CYP19A1: variants seen among roughly 807,000 people sequenced by gnomAD.
The protein encoded by CYP19A1 is aromatase.
CYP19A1 carries 32 observed loss-of-function variants against 44.4 expected under a neutral mutation model. The ratio of observed to expected loss-of-function variants is 0.72; its 90% CI spans 0.54 to 0.97. The LOEUF (loss-of-function observed/expected upper bound fraction) is 0.97. Among genes scored for constraint, CYP19A1 ranks in the 50% least tolerant of loss-of-function variants. CYP19A1 has a pLI of 0.00. For missense variants in CYP19A1, 598 were observed against 637.8 expected (o/e 0.94, Z 0.67); for synonymous variants, 212 against 215.6 (o/e 0.98, Z 0.14).
intron 1 of CYP19A1, among the ~76,000 whole-genome samples, chr15:51,286,005 A>G (rs1045705800): frequency 1.3e-5 from 2 of 152,160 alleles, no homozygotes; most frequent in African/African-American, 4.8e-5. Flanking sequence ...CAGCTTTGTC[A>G]GGCATCTGCG....
At chr15:51,329,237 C>T (rs530548581) in intron 1 of CYP19A1, among the ~76,000 whole-genome samples, 1 of 152,284 alleles carries the variant, frequency 6.6e-6, no homozygotes, top group East Asian at 1.9e-4. Context: ...TTGGCCACAA[C>T]AGCCCTTGGT....
chr15:51,251,018 G>C (rs949355026), intron 1 of CYP19A1, among the ~76,000 whole-genome samples: 1 of 152,192 alleles, frequency 6.6e-6, no homozygotes, highest in African/African-American at 2.4e-5. Context: ...ACAAGAACAG[G>C]CTTTGGGGCC....
At chr15:51,286,247 C>G (rs1046216931) in intron 1 of CYP19A1, among the ~76,000 whole-genome samples, 2 of 152,184 alleles carry the variant, frequency 1.3e-5, no homozygotes, top group African/African-American at 4.8e-5. Context: ...CTTCCTTCCT[C>G]ACCCAAATCC....
chr15:51,233,377 T>C (rs1247387432), intron 3 of CYP19A1, among the ~76,000 whole-genome samples: 2 of 152,206 alleles, frequency 1.3e-5, no homozygotes, highest in African/African-American at 2.4e-5. Flanking sequence ...ACTTGTTTAT[T>C]GTTGACCTAG....
intron 3 of CYP19A1, among the ~76,000 whole-genome samples, chr15:51,231,360 CAG>C (rs1566882493): frequency 6.6e-6 from 1 of 152,054 alleles, no homozygotes; most frequent in African/African-American, 2.4e-5. Flanking sequence ...GTCAATGTCA[CAG>C]GGGGAAAAGT....
chr15:51,232,206 G>T (rs556192920), intron 3 of CYP19A1, among the ~76,000 whole-genome samples: 1 of 152,028 alleles, frequency 6.6e-6, no homozygotes, highest in African/African-American at 2.4e-5. Context: ...CTCTTCTCTG[G>T]TCAGACTTTT....
At position 51,210,219 on chromosome 15, in the gene CYP19A1, A is replaced by G. The variant is rs533480950; in HGVS notation, c.*589T>C. The G allele has an allele frequency of 5.1e-6, 2 of 394,598 alleles. No individual in the cohort carries two copies. The highest frequency in any genetic ancestry group is 3.8e-5 in the South Asian group (2 of 52,302). 24.4% of individuals were successfully genotyped at this position (394,598 alleles called of 1,614,324 possible). A position where few individuals can be genotyped will look rare whatever the true frequency, so the allele number is the denominator to read the frequency against. On this transcript the variant is annotated 3_prime_UTR_variant, in exon 10 of 10. Transcript: ENST00000396402. ...CTGATTAAACTTTTGCCACAGACAG[A>G]TCATATGTAGACAAACAGGAATTAA...
intron 9 of CYP19A1, 147 bp downstream of exon 9, chr15:51,212,173 T>A (rs1472890665): frequency 1.3e-6 from 1 of 742,390 alleles, no homozygotes; most frequent in Admixed American, 1.8e-5. Flanking sequence ...TGCTCCAAGC[T>A]AGGGGACGTG....
intron 1 of CYP19A1, among the ~76,000 whole-genome samples, chr15:51,300,037 A>G (rs2036080250): frequency 6.6e-6 from 1 of 152,246 alleles, no homozygotes; most frequent in East Asian, 1.9e-4. Flanking sequence ...CAACAGGAAG[A>G]GTGAAACGGC....
At chr15:51,257,836 GCAGATCA>G (rs1176250338) in intron 1 of CYP19A1, among the ~76,000 whole-genome samples, 1 of 152,114 alleles carries the variant, frequency 6.6e-6, no homozygotes, top group Non-Finnish European at 1.5e-5. Flanking sequence ...AGTGCTACTT[GCAGATCA>G]CAATGGGCAT....
Position 51,212,579 on chromosome 15 carries a change from AGG to A in CYP19A1, c.1022-20_1022-19del. On this transcript the variant is annotated intron_variant, in intron 8 of 9. Coordinates refer to ENST00000396402, the MANE Select transcript of CYP19A1 (RefSeq NM_000103.4). ...TCTCTCACCTGTGGAAACAGATAAA[AGG>A]AACAAAGAAGGTAATGTTAGTTTCC... 1 of 1,414,882 alleles carries A rather than the reference AGG, an allele frequency of 7.1e-7. No individual in the cohort carries two copies. Among genetic ancestry groups the A allele is most frequent in the Non-Finnish European group, 1.0e-6 (1 of 998,162 alleles). 87.6% of individuals were successfully genotyped at this position (1,414,882 alleles called of 1,614,324 possible).
At chr15:51,236,744 G>A in intron 3 of CYP19A1, 115 bp downstream of exon 3, 1 of 1,298,818 alleles carries the variant, frequency 7.7e-7, no homozygotes, top group Non-Finnish European at 1.1e-6. Flanking sequence ...TCATTTCAGT[G>A]GTAAAAATAT....
intron 1 of CYP19A1, among the ~76,000 whole-genome samples, chr15:51,284,982 G>GT: frequency 6.6e-6 from 1 of 152,178 alleles, no homozygotes; most frequent in African/African-American, 2.4e-5. Flanking sequence ...TCTATTAGAA[G>GT]GGGCCTGTTT....
At chr15:51,265,034 T>C (rs1382881686) in intron 1 of CYP19A1, among the ~76,000 whole-genome samples, 4 of 152,362 alleles carry the variant, frequency 2.6e-5, no homozygotes, top group Middle Eastern at 3.4e-3. Flanking sequence ...AATTACACTT[T>C]CTTATGTTAC....
At chr15:51,237,798 T>G (rs1177679217) in intron 2 of CYP19A1, among the ~76,000 whole-genome samples, 2 of 152,242 alleles carry the variant, frequency 1.3e-5, no homozygotes, top group African/African-American at 4.8e-5. Context: ...TTGGTGCTGC[T>G]TATATCAGAG....
Position 51,237,029 on chromosome 15 carries a change from A to T in CYP19A1, c.146-20T>A, listed in dbSNP as rs778841264. Reference sequence around the variant, plus strand: ...CAGGACCTAGGACAGGTGTCAGAGCATAAGCAACATCTTAGTTACACCAAA... The same window carrying T: ...CAGGACCTAGGACAGGTGTCAGAGCTTAAGCAACATCTTAGTTACACCAAA... On this transcript the variant is annotated intron_variant, in intron 2 of 9. Transcript: ENST00000396402. The T allele has an allele frequency of 6.2e-7, 1 of 1,614,100 alleles. No homozygotes were observed. The highest frequency in any genetic ancestry group is 1.3e-5 in the African/African-American group (1 of 75,050).
chr15:51,240,053 G>A (rs867574176), intron 2 of CYP19A1, among the ~76,000 whole-genome samples: 757 of 32,906 alleles, frequency 0.023, 12 homozygotes, highest in African/African-American at 0.089. Flanking sequence ...TTCCAACCCC[G>A]CCCCCCTCCC....
At chr15:51,315,688 C>T (rs1243381482) in intron 1 of CYP19A1, among the ~76,000 whole-genome samples, 2 of 152,222 alleles carry the variant, frequency 1.3e-5, no homozygotes, top group African/African-American at 2.4e-5. Context: ...AGTGACTATT[C>T]CTCATGCTTC....
chr15:51,321,721 G>A (rs1409626625), intron 1 of CYP19A1: 1 of 152,196 alleles, frequency 6.6e-6, no homozygotes, highest in Non-Finnish European at 1.5e-5. Context: ...TCCTCCCAGA[G>A]TGGCTCTTCA....
Sources: allele counts gnomAD v4.1 joint callset (sites outside exome capture counted in the v4.1 genomes callset), GRCh38; gene constraint gnomAD v4.1.1; transcripts MANE v1.5; gene names NCBI Gene and HGNC (gene_info 2026-07-23, HGNC 2026-07-21).